FBXO4: variants seen among roughly 807,000 people sequenced by gnomAD.
FBXO4 encodes the protein F-box protein 4.
A neutral mutation model predicts 43.7 loss-of-function variants in FBXO4; 36 were observed. That is an observed-to-expected ratio of 0.82 (90% CI 0.63 to 1.09). The LOEUF is 1.09. Among genes scored for constraint, FBXO4 ranks in the 50% least tolerant of loss-of-function variants. The pLI, the probability that FBXO4 is intolerant of heterozygous loss-of-function variation, is 0.00. For synonymous variants in FBXO4, 180 were observed against 165.6 expected (o/e 1.09, Z -0.67); for missense variants, 435 against 474.1 (o/e 0.92, Z 0.77).
chr5:41,934,636 C>A (rs749711991), intron 5 of FBXO4: 11 of 1,138,494 alleles, frequency 9.7e-6, no homozygotes, highest in East Asian at 5.0e-5. Flanking sequence ...TAGAGCTATA[C>A]AATATTTTTT....
chr5:42,025,884 T>C, the FBXO4 span, among the ~76,000 whole-genome samples: 1 of 152,016 alleles, frequency 6.6e-6, no homozygotes, highest in African/African-American at 2.4e-5. Context: ...TTCTCTTTTC[T>C]ATTCCATTGG....
chr5:42,039,720 T>C, the FBXO4 span, among the ~76,000 whole-genome samples: 4 of 152,106 alleles, frequency 2.6e-5, no homozygotes, highest in African/African-American at 9.7e-5. Context: ...GTGATAATGT[T>C]ACCTTATACG....
At chr5:41,957,857 A>T in the FBXO4 span, among the ~76,000 whole-genome samples, 1 of 152,112 alleles carries the variant, frequency 6.6e-6, no homozygotes, top group East Asian at 1.9e-4. Context: ...ATACATTTAC[A>T]CTCAGAAAAA....
At chr5:41,979,978 A>T in the FBXO4 span, among the ~76,000 whole-genome samples, 8 of 152,206 alleles carry the variant, frequency 5.3e-5, no homozygotes, top group African/African-American at 1.9e-4. Context: ...CAAAACAAAG[A>T]GATGCATCAA....
intron 1 of FBXO4, among the ~76,000 whole-genome samples, 189 bp from the exon 2 acceptor site, chr5:41,926,824 C>A (rs1293246625): frequency 3.9e-5 from 6 of 152,096 alleles, no homozygotes; most frequent in Non-Finnish European, 7.4e-5. Context: ...AACTACGAAA[C>A]TAAAATGTTC....
chr5:41,968,977 T>G, the FBXO4 span, among the ~76,000 whole-genome samples: 2 of 152,218 alleles, frequency 1.3e-5, no homozygotes, highest in Non-Finnish European at 2.9e-5. Flanking sequence ...AGCGTGTTAT[T>G]TATATTGAAG....
At chr5:41,999,465 G>GTGTATA in the FBXO4 span, among the ~76,000 whole-genome samples, 310 of 65,286 alleles carry the variant, frequency 4.7e-3, no homozygotes, top group African/African-American at 0.016. Context: ...GTGTGTGTGT[G>GTGTATA]TATATATATA....
the FBXO4 span, among the ~76,000 whole-genome samples, chr5:42,029,408 T>A: frequency 6.6e-6 from 1 of 152,056 alleles, no homozygotes; most frequent in Admixed American, 6.6e-5. Flanking sequence ...TATTATTAAA[T>A]TCGTTGAGGT....
chr5:42,039,492 C>T, the FBXO4 span, among the ~76,000 whole-genome samples: 1 of 152,050 alleles, frequency 6.6e-6, no homozygotes, highest in South Asian at 2.1e-4. Context: ...GAACTATGCA[C>T]TTCTTTCTCC....
the FBXO4 span, among the ~76,000 whole-genome samples, chr5:41,989,088 AT>A: frequency 6.6e-6 from 1 of 152,280 alleles, no homozygotes; most frequent in Non-Finnish European, 1.5e-5. Context: ...TTAGTTCAAT[AT>A]TTAAGAAAAA....
the FBXO4 span, among the ~76,000 whole-genome samples, chr5:41,975,878 G>A: frequency 5.3e-5 from 8 of 152,242 alleles, no homozygotes; most frequent in South Asian, 1.0e-3. Context: ...ATGGCTCATG[G>A]TTCTGTAGGC....
chr5:42,033,274 TC>T, the FBXO4 span, among the ~76,000 whole-genome samples: 14 of 152,276 alleles, frequency 9.2e-5, no homozygotes, highest in Admixed American at 9.2e-4. Flanking sequence ...CTGTCTCTTG[TC>T]CCAGTTCAAC....
the FBXO4 span, among the ~76,000 whole-genome samples, chr5:41,966,126 A>G: frequency 6.6e-6 from 1 of 152,106 alleles, no homozygotes; most frequent in Admixed American, 6.5e-5. Context: ...GAAGGGGAAC[A>G]TCACACACCA....
chr5:42,005,904 G>A, the FBXO4 span, among the ~76,000 whole-genome samples: 2 of 152,128 alleles, frequency 1.3e-5, no homozygotes, highest in South Asian at 4.2e-4. Context: ...TTGCCTATCA[G>A]TAACTTTTCA....
At chr5:42,021,781 T>C in the FBXO4 span, among the ~76,000 whole-genome samples, 1 of 152,166 alleles carries the variant, frequency 6.6e-6, no homozygotes, top group African/African-American at 2.4e-5. Flanking sequence ...TGTAATTTTT[T>C]AAAGTGTGCA....
chr5:42,000,524 A>G, the FBXO4 span, among the ~76,000 whole-genome samples: 14 of 152,202 alleles, frequency 9.2e-5, no homozygotes, highest in Non-Finnish European at 2.1e-4. Context: ...ATTTTCTCTC[A>G]TTCCATAGGT....
downstream of FBXO4, among the ~76,000 whole-genome samples, chr5:41,943,873 A>G (rs186752552): frequency 1.1e-4 from 16 of 152,318 alleles, no homozygotes; most frequent in Admixed American, 1.0e-3. Flanking sequence ...GAGGTCATAT[A>G]GGTGGCCCTA....
At chr5:41,935,614 C>A (rs538034957) in intron 5 of FBXO4, among the ~76,000 whole-genome samples, 15 of 152,316 alleles carry the variant, frequency 9.8e-5, no homozygotes, top group Admixed American at 2.6e-4. Flanking sequence ...ACCTTTCTAC[C>A]AATACAGGGC....
At chr5:41,959,488 AT>A in the FBXO4 span, among the ~76,000 whole-genome samples, 2 of 151,778 alleles carry the variant, frequency 1.3e-5, no homozygotes, top group Non-Finnish European at 2.9e-5. Context: ...CTTTCCCTCC[AT>A]TTTTTTCCAG....
Sources: allele counts gnomAD v4.1 joint callset (sites outside exome capture counted in the v4.1 genomes callset), GRCh38; gene constraint gnomAD v4.1.1; transcripts MANE v1.5; gene names NCBI Gene and HGNC (gene_info 2026-07-23, HGNC 2026-07-21).